Variants in ATP6V0A2 observed in about 807,000 individuals in gnomAD.
The protein encoded by ATP6V0A2 is V-type proton ATPase 116 kDa subunit a 2.
A neutral mutation model predicts 104.4 loss-of-function variants in ATP6V0A2; 58 were observed. The observed-to-expected ratio is 0.56, with a 90% CI of 0.45 to 0.69. ATP6V0A2 has a LOEUF of 0.69. ATP6V0A2 is among the 30% of genes least tolerant of loss of function. The pLI, the probability that ATP6V0A2 is intolerant of heterozygous loss-of-function variation, is 0.00. For missense variants in ATP6V0A2, 938 were observed against 1,062.9 expected, an observed-to-expected ratio of 0.88 and a Z score of 1.63; for synonymous variants, 376 against 397.9, an observed-to-expected ratio of 0.95 and a Z score of 0.65.
intron 13 of ATP6V0A2, among the ~76,000 whole-genome samples, chr12:123,745,278 C>T (rs537383192): frequency 6.6e-6 from 1 of 152,286 alleles, no homozygotes; most frequent in South Asian, 2.1e-4. Flanking sequence ...TGTGCCATTT[C>T]CTACATTTCT....
intron 14 of ATP6V0A2, 149 bp from the exon 15 acceptor site, chr12:123,748,426 C>T: frequency 1.4e-6 from 1 of 732,292 alleles, no homozygotes; most frequent in Non-Finnish European, 2.4e-6. Flanking sequence ...GTAGATGTAT[C>T]TGGACACTCA....
chr12:123,752,188 G>A (rs563617906), intron 16 of ATP6V0A2, 95 bp from the exon 17 acceptor site: 1 of 1,535,792 alleles, frequency 6.5e-7, no homozygotes, highest in East Asian at 2.3e-5. Context: ...TCAAAGAGCT[G>A]AATCATTAAG....
chr12:123,713,458 A>G (rs1008682494), intron 1 of ATP6V0A2, among the ~76,000 whole-genome samples: 6 of 151,992 alleles, frequency 3.9e-5, no homozygotes, highest in Admixed American at 1.3e-4. Flanking sequence ...AGGACTGTCA[A>G]CCTCTGAGAG....
chr12:123,747,529 TAAGACAGG>T, intron 13 of ATP6V0A2, 70 bp from the exon 14 acceptor site: 1 of 956,318 alleles, frequency 1.0e-6, no homozygotes. Flanking sequence ...CCTTTCAAGT[TAAGACAGG>T]AACTTTCTTG....
chr12:123,739,431 G>T (rs1956587114), intron 9 of ATP6V0A2, among the ~76,000 whole-genome samples: 1 of 152,092 alleles, frequency 6.6e-6, no homozygotes, highest in South Asian at 2.1e-4. Flanking sequence ...CATGAATCTG[G>T]CTCTTCACAG....
rs1398027759 is a variant in ATP6V0A2 at position 123,760,329 on chromosome 12, C to CT, written c.*2298dup. The CT allele has an allele frequency of 2.0e-5, 3 of 152,256 alleles. No individual in the cohort carries two copies. In the East Asian group the frequency reaches 5.8e-4, roughly 29 times the overall value. The allele number at this position is 152,256 out of a possible 1,614,324, so 9.4% of individuals were successfully genotyped here. A position where few individuals can be genotyped will look rare whatever the true frequency, so the allele number is the denominator to read the frequency against. On this transcript the variant is annotated 3_prime_UTR_variant, in exon 20 of 20. Transcript: ENST00000330342. Reference sequence around the variant, plus strand: ...TTATATGAAAAGCGAATTCAGAATCCTAACTCTGGGAAAGCGCTCTCTGGA... The same window carrying CT: ...TTATATGAAAAGCGAATTCAGAATCCTTAACTCTGGGAAAGCGCTCTCTGGA...
At chr12:123,729,271 T>G (rs1270307191) in intron 6 of ATP6V0A2, among the ~76,000 whole-genome samples, 2 of 150,362 alleles carry the variant, frequency 1.3e-5, no homozygotes, top group Non-Finnish European at 3.0e-5. Context: ...CAGATGCATG[T>G]TGCAATTCCT....
At chr12:123,756,080 C>CAAA (rs780283574) in intron 18 of ATP6V0A2, among the ~76,000 whole-genome samples, 2 of 61,102 alleles carry the variant, frequency 3.3e-5, no homozygotes, top group African/African-American at 6.2e-5. Context: ...GACTCTGTCT[C>CAAA]AAAAAAAAAA....
At chr12:123,743,184 C>T (rs527510312) in intron 9 of ATP6V0A2, among the ~76,000 whole-genome samples, 11 of 152,336 alleles carry the variant, frequency 7.2e-5, no homozygotes, top group Admixed American at 1.3e-4. Flanking sequence ...CATTCACTTC[C>T]GGCGCATTCA....
rs529094546 is a variant in ATP6V0A2, at chr12:123,758,825, A to T, written c.*793A>T. The T allele has an allele frequency of 2.0e-5, 3 of 152,320 alleles. No individual in the cohort carries two copies. Among genetic ancestry groups the T allele is most frequent in the African/African-American group, 7.2e-5 (3 of 41,572 alleles). 9.4% of individuals were successfully genotyped at this position (152,320 alleles called of 1,614,324 possible). On this transcript the variant is annotated 3_prime_UTR_variant, in exon 20 of 20. Transcript: ENST00000330342. ...GCGTGAGCCACCATGCCTGGCCAAA[A>T]TATGCAAATATTTTTTATCCTGTGC...
intron 9 of ATP6V0A2, among the ~76,000 whole-genome samples, chr12:123,741,548 G>A (rs190261524): frequency 1.2e-4 from 19 of 152,260 alleles, no homozygotes; most frequent in African/African-American, 3.6e-4. Context: ...CAATCCTCCC[G>A]TCTCGTCTCA....
At chr12:123,743,345 A>G (rs1242901838) in intron 9 of ATP6V0A2, among the ~76,000 whole-genome samples, 2 of 152,154 alleles carry the variant, frequency 1.3e-5, no homozygotes, top group African/African-American at 4.8e-5. Flanking sequence ...AAAGCCACAC[A>G]CACAGCGTTG....
chr12:123,730,054 T>TTTC (rs1566279174), intron 6 of ATP6V0A2, among the ~76,000 whole-genome samples: 8 of 68,290 alleles, frequency 1.2e-4, no homozygotes, highest in African/African-American at 3.8e-4. Context: ...CTTTTTTTTT[T>TTTC]TTTTTTTTTT....
intron 1 of ATP6V0A2, 58 bp downstream of exon 1, chr12:123,712,740 C>T: frequency 7.0e-7 from 1 of 1,426,878 alleles, no homozygotes; most frequent in Non-Finnish European, 9.8e-7. Context: ...CCCAATCCCG[C>T]GCATCGCTGG....
Position 123,747,736 on chromosome 12 carries a change from AT to A in ATP6V0A2, c.1724+20del, listed in dbSNP as rs375845531. On this transcript the variant is annotated intron_variant, in intron 14 of 19. Transcript: ENST00000330342. ...AATATTTAACCACTTGTAAGTACAGATTTTTTTTTAAGCAATATTTATAAAC... is the reference window on the plus strand; with the variant it reads ...AATATTTAACCACTTGTAAGTACAGATTTTTTTTAAGCAATATTTATAAAC... 2.8e-3 allele frequency: 4,302 copies of A among 1,521,376 alleles called. 86 individuals carry two copies. The African/African-American group carries it at 0.044, about 16-fold the overall frequency. 94.2% of individuals were successfully genotyped at this position (1,521,376 alleles called of 1,614,324 possible).
At position 123,724,893 on chromosome 12, in the gene ATP6V0A2, T is replaced by C. The variant is rs762914766; in HGVS notation, c.432+102T>C. Reference sequence around the variant, plus strand: ...GTATTTTGCTATTAGTTCATATAGATATGTTGCTTCTTTTAAGAGATTAAA... The same window carrying C: ...GTATTTTGCTATTAGTTCATATAGACATGTTGCTTCTTTTAAGAGATTAAA... On this transcript the variant is annotated intron_variant, in intron 4 of 19. Coordinates refer to ENST00000330342, the MANE Select transcript of ATP6V0A2 (RefSeq NM_012463.4). 141 of 869,206 alleles carry C rather than the reference T, an allele frequency of 1.6e-4. 1 individual carries two copies. The highest frequency in any genetic ancestry group is 2.4e-4 in the Non-Finnish European group (132 of 554,556). 53.8% of individuals were successfully genotyped at this position (869,206 alleles called of 1,614,324 possible).
chr12:123,729,733 C>A (rs373940320), intron 6 of ATP6V0A2, among the ~76,000 whole-genome samples: 1 of 152,118 alleles, frequency 6.6e-6, no homozygotes, highest in East Asian at 1.9e-4. Context: ...AGGTTGGCCT[C>A]AGGAATTTTG....
In ATP6V0A2 at chr12:123,747,625, A is replaced by G. The variant is rs150520079; in HGVS notation, c.1624A>G (p.Asn542Asp). The G allele has an allele frequency of 1.9e-6, 3 of 1,612,962 alleles. No individual in the cohort carries two copies. The highest frequency in any genetic ancestry group is 2.5e-6 in the Non-Finnish European group (3 of 1,179,006). The change falls in exon 14 of 20, where the codon AAT becomes GAT. Residue 542 changes from asparagine (N) to aspartate (D), a missense_variant. By Grantham distance (23) the Asn-to-Asp change is conservative. Coordinates refer to ENST00000330342, the MANE Select transcript of ATP6V0A2 (RefSeq NM_012463.4). ...GIDPIWNLATNRLTFLNSFKM... is the reference protein window; with the variant it reads ...GIDPIWNLATDRLTFLNSFKM... ...GTTTTAGATTTGGAACTTGGCCACA[A>G]ATCGCCTCACTTTTCTAAACTCTTT...
chr12:123,752,900 C>A (rs1036327618), intron 17 of ATP6V0A2, among the ~76,000 whole-genome samples: 1 of 152,082 alleles, frequency 6.6e-6, no homozygotes, highest in Non-Finnish European at 1.5e-5. Flanking sequence ...GTCAGTTGGC[C>A]CCATGATGCT....
Sources: allele counts gnomAD v4.1 joint callset (sites outside exome capture counted in the v4.1 genomes callset), GRCh38; gene constraint gnomAD v4.1.1; transcripts MANE v1.5; gene names NCBI Gene and HGNC (gene_info 2026-07-23, HGNC 2026-07-21).